ABCC5: variants seen among roughly 807,000 people sequenced by gnomAD.
ABCC5 encodes ATP-binding cassette sub-family C member 5.
ABCC5 carries 61 observed loss-of-function variants against 160.9 expected under a neutral mutation model. The ratio of observed to expected loss-of-function variants is 0.38; its 90% CI spans 0.31 to 0.47. ABCC5 has a LOEUF of 0.47. Among genes scored for constraint, ABCC5 ranks in the 20% least tolerant of loss-of-function variants. ABCC5 has a pLI of 0.99. For synonymous variants in ABCC5, 666 were observed against 700.6 expected, an observed-to-expected ratio of 0.95 and a Z score of 0.78; for missense variants, 1,308 against 1,813.3, an observed-to-expected ratio of 0.72 and a Z score of 5.06.
chr3:183,946,725 T>G (rs1714882298), intron 23 of ABCC5, among the ~76,000 whole-genome samples: 1 of 152,100 alleles, frequency 6.6e-6, no homozygotes, highest in Non-Finnish European at 1.5e-5. Flanking sequence ...TATTTCAGCT[T>G]GTACCTCTCT....
chr3:183,960,708 G>A (rs1373908294), intron 16 of ABCC5, among the ~76,000 whole-genome samples: 1 of 152,110 alleles, frequency 6.6e-6, no homozygotes, highest in Non-Finnish European at 1.5e-5. Context: ...AGGGCACACA[G>A]GGACTCAATA....
chr3:183,985,280 C>T (rs927796621), intron 5 of ABCC5: 4 of 1,597,808 alleles, frequency 2.5e-6, no homozygotes, highest in Non-Finnish European at 3.4e-6. Context: ...GGAAAGCATT[C>T]CCAGTGAATA....
intron 2 of ABCC5, chr3:184,000,527 A>T (rs779061498): frequency 1.3e-5 from 2 of 152,214 alleles, no homozygotes; most frequent in Non-Finnish European, 2.9e-5. Context: ...GAGAACACAC[A>T]GACCCAATGT....
Position 183,921,252 on chromosome 3 carries a change from G to T in ABCC5, c.*48C>A. 1.8e-6 allele frequency: 2 copies of T among 1,142,354 alleles called. No individual in the cohort carries two copies. Among genetic ancestry groups the T allele is most frequent in the Non-Finnish European group, 2.6e-6 (2 of 773,280 alleles). 70.8% of individuals were successfully genotyped at this position (1,142,354 alleles called of 1,614,324 possible). A position where few individuals can be genotyped will look rare whatever the true frequency, so the allele number is the denominator to read the frequency against. On this transcript the variant is annotated 3_prime_UTR_variant, in exon 30 of 30. Transcript: ENST00000334444. This position sits in a 1 kb window ranked among gnomAD's most constrained non-coding sequence, Gnocchi z 4.1. ...CGCGATGAGGGGCCCGCCCCAGGCA[G>T]GGAATGGCAATGCTCTAAAGAAAAG...
At chr3:184,005,392 T>C (rs1175326885) in intron 2 of ABCC5, among the ~76,000 whole-genome samples, 1 of 152,116 alleles carries the variant, frequency 6.6e-6, no homozygotes, top group African/African-American at 2.4e-5. Flanking sequence ...AGTTAAAACA[T>C]ATATAACATC....
rs1715403802 is a variant in ABCC5, at chr3:183,952,003, T to C, written c.2668A>G (p.Asn890Asp). The C allele has an allele frequency of 6.2e-7, 1 of 1,607,800 alleles. No individual in the cohort carries two copies. Among genetic ancestry groups the C allele is most frequent in the South Asian group, 1.1e-5 (1 of 90,948 alleles). ...LSYWIKQGSG[N>D]TTVTRGNETS... ...TCGTTCCCTCGAGTCACAGTGGTGT[T>C]CTGTTTGAAGCCAAAGTTCTATGAG... The change falls in exon 19 of 30, where the codon AAC (asparagine) becomes GAC (aspartate). Residue 890 changes from asparagine to aspartate, a missense_variant and splice_region_variant. Asn to Asp is a conservative substitution (Grantham distance 23). This residue lies in a region of ABCC5 where 1,142 missense variants were observed against 1,527.1 expected (regional missense o/e 0.75). Coordinates refer to ENST00000334444, the MANE Select transcript of ABCC5 (RefSeq NM_005688.4).
At position 183,928,835 on chromosome 3, in the gene ABCC5, AAC is replaced by A. The variant is rs1712873501; in HGVS notation, c.3855-12_3855-11del. The stretch of plus-strand genomic sequence containing the variant: ...GGGGTCCAAATTTGATCTAGGGAGA[AAC>A]ACAGGAATTTCTCAGTGGTCCCACC... On this transcript the variant is annotated splice_polypyrimidine_tract_variant and intron_variant, in intron 26 of 29. Transcript: ENST00000334444. 1.9e-6 allele frequency: 3 copies of A among 1,613,414 alleles called. No individual in the cohort carries two copies. The highest frequency in any genetic ancestry group is 2.5e-6 in the Non-Finnish European group (3 of 1,179,408).
At position 183,989,216 on chromosome 3, in the gene ABCC5, G is replaced by A. The variant is rs199651961; in HGVS notation, c.287+10C>T. ...ATGCTTCACTGTCATCACTCAGCAC[G>A]GCATCTTACTTGGAAGTAGTCCGGA... On this transcript the variant is annotated intron_variant, in intron 3 of 29. Transcript: ENST00000334444. 461 of 1,578,720 alleles carry A rather than the reference G, an allele frequency of 2.9e-4. 2 individuals carry two copies. Among genetic ancestry groups the A allele is most frequent in the South Asian group, 1.3e-3 (114 of 89,828 alleles).
intron 17 of ABCC5, among the ~76,000 whole-genome samples, chr3:183,954,711 G>T (rs1253366109): frequency 6.6e-6 from 1 of 152,194 alleles, no homozygotes; most frequent in Non-Finnish European, 1.5e-5. Context: ...ATGTAAACCA[G>T]AAAGTACCTT....
chr3:184,001,213 AC>A, intron 2 of ABCC5: 2 of 530,878 alleles, frequency 3.8e-6, no homozygotes, highest in Non-Finnish European at 6.8e-6. Flanking sequence ...TGGTCATGCC[AC>A]CGCACTACAG....
At chr3:183,968,575 T>C (rs1223599335) in intron 11 of ABCC5, among the ~76,000 whole-genome samples, 1 of 152,212 alleles carries the variant, frequency 6.6e-6, no homozygotes. Flanking sequence ...CTGAGGAATA[T>C]TTATACCATC....
At chr3:183,971,941 G>T (rs369413031) in intron 10 of ABCC5, 22 bp from the exon 11 acceptor site, 1 of 1,612,612 alleles carries the variant, frequency 6.2e-7, no homozygotes, top group African/African-American at 1.3e-5. Flanking sequence ...TGTGAGAGAG[G>T]TGCAAAGATG....
At chr3:183,962,225 T>C (rs1465155048) in intron 15 of ABCC5, among the ~76,000 whole-genome samples, 10 of 152,232 alleles carry the variant, frequency 6.6e-5, no homozygotes, top group Non-Finnish European at 1.0e-4. Context: ...CAAAATCATC[T>C]AACACAAAGC....
intron 2 of ABCC5, among the ~76,000 whole-genome samples, chr3:184,005,762 C>G (rs116285651): frequency 0.047 from 7,189 of 152,038 alleles, 250 homozygotes; most frequent in East Asian, 0.17. Flanking sequence ...TACATGTACC[C>G]TAGAACTTAA....
Position 183,977,640 on chromosome 3 carries a change from G to C in ABCC5, c.1297-16C>G. 1 of 1,590,532 alleles carries C rather than the reference G, an allele frequency of 6.3e-7. No homozygotes were observed. The highest frequency in any genetic ancestry group is 8.6e-7 in the Non-Finnish European group (1 of 1,159,640). On this transcript the variant is annotated splice_polypyrimidine_tract_variant and intron_variant, in intron 9 of 29. Coordinates refer to ENST00000334444, the MANE Select transcript of ABCC5 (RefSeq NM_005688.4). The stretch of plus-strand genomic sequence containing the variant: ...CTGTGAAAGCCTGAAAATAGGAGAA[G>C]AGAAGAAACTGTGCCTAATGATGCT...
intron 17 of ABCC5, among the ~76,000 whole-genome samples, chr3:183,953,946 T>G (rs370681851): frequency 6.6e-6 from 1 of 152,170 alleles, no homozygotes; most frequent in African/African-American, 2.4e-5. Context: ...GTGACAGGTG[T>G]GTCTGACTTC....
intron 2 of ABCC5, among the ~76,000 whole-genome samples, chr3:183,989,898 G>A (rs576621430): frequency 8.8e-5 from 13 of 148,514 alleles, no homozygotes; most frequent in African/African-American, 2.2e-4. Flanking sequence ...TCCACCTCCC[G>A]GGTTCAAGCA....
intron 1 of ABCC5, among the ~76,000 whole-genome samples, chr3:184,016,663 A>T (rs1371071353): frequency 6.6e-6 from 1 of 152,188 alleles, no homozygotes; most frequent in African/African-American, 2.4e-5. Context: ...GAAGAAAGAG[A>T]AGGGATTTTT....
chr3:183,983,625 C>T (rs1379106317), intron 5 of ABCC5: 1 of 507,162 alleles, frequency 2.0e-6, no homozygotes, highest in Non-Finnish European at 2.5e-6. Flanking sequence ...ATATGTCTAA[C>T]ACCACCTGCA....
Sources: gnomAD v4.1 joint callset for allele counts (sites outside exome capture counted in the v4.1 genomes callset) on GRCh38, gnomAD v4.1.1 for gene constraint, gnomAD v4.1.1 regional missense constraint, Gnocchi (gnomAD v3.1) non-coding constraint, MANE v1.5 for transcripts, NCBI Gene and HGNC (gene_info 2026-07-23, HGNC 2026-07-21) for gene names.